Variants in GAREM1 observed in about 807,000 individuals in gnomAD.
GAREM1 encodes the protein GRB2-associated and regulator of MAPK protein 1.
In GAREM1, 26 loss-of-function variants were observed where a neutral mutation model predicts 71.3. That is an observed-to-expected ratio of 0.36 (90% CI 0.27 to 0.51). The LOEUF (loss-of-function observed/expected upper bound fraction) is 0.51. Among genes scored for constraint, GAREM1 ranks in the 20% least tolerant of loss-of-function variants. The probability of loss-of-function intolerance (pLI) is 0.95; values close to 1 mark genes in which losing one functional copy is unlikely to be tolerated. For missense variants in GAREM1, 1,026 were observed against 1,103.1 expected, an observed-to-expected ratio of 0.93 and a Z score of 0.99; for synonymous variants, 440 against 433.2, an observed-to-expected ratio of 1.02 and a Z score of -0.20.
intron 1 of GAREM1, among the ~76,000 whole-genome samples, chr18:32,399,980 G>C (rs2144669407): frequency 1.3e-5 from 2 of 152,248 alleles, no homozygotes; most frequent in South Asian, 4.1e-4. Flanking sequence ...CAGAGATATA[G>C]ACCAATGGAA....
chr18:32,438,156 A>G (rs1258178191), intron 1 of GAREM1, among the ~76,000 whole-genome samples: 1 of 152,128 alleles, frequency 6.6e-6, no homozygotes, highest in African/African-American at 2.4e-5. Context: ...TGCCATTCCT[A>G]CTCCAAGTAA....
intron 2 of GAREM1, among the ~76,000 whole-genome samples, chr18:32,314,096 T>C (rs2047352516): frequency 6.6e-6 from 1 of 152,134 alleles, no homozygotes. Context: ...AAAAGTTTTT[T>C]TTTTTTTTAA....
intron 1 of GAREM1, among the ~76,000 whole-genome samples, chr18:32,437,555 G>A (rs567350110): frequency 3.3e-5 from 5 of 152,106 alleles, no homozygotes; most frequent in African/African-American, 4.8e-5. Flanking sequence ...GGGGTTAAAG[G>A]TAAAGAAGAA....
At chr18:32,333,247 G>A (rs989274454) in intron 2 of GAREM1, among the ~76,000 whole-genome samples, 4 of 151,966 alleles carry the variant, frequency 2.6e-5, no homozygotes, top group African/African-American at 4.8e-5. Context: ...GGGGAGTGGA[G>A]AGGGGGAGGG....
intron 1 of GAREM1, among the ~76,000 whole-genome samples, chr18:32,431,470 A>G (rs545309272): frequency 1.3e-5 from 2 of 152,214 alleles, no homozygotes; most frequent in East Asian, 3.9e-4. Flanking sequence ...TCTACTAAAA[A>G]CACAAAAATT....
At chr18:32,401,188 A>AGC (rs2048312138) in intron 1 of GAREM1, among the ~76,000 whole-genome samples, 1 of 151,920 alleles carries the variant, frequency 6.6e-6, no homozygotes, top group Admixed American at 6.6e-5. Context: ...GGTTGGGGGG[A>AGC]GAGGGGAGGG....
At position 32,287,663 on chromosome 18, in the gene GAREM1, G is replaced by C. The variant is rs945487853; in HGVS notation, c.934C>G (p.Leu312Val). Reference sequence around the variant, plus strand: ...TCGGGCCAGCTCTCTCCCTTCACCAGGTGTTCTGGGAGGCTGAACTTGGGG... The same window carrying C: ...TCGGGCCAGCTCTCTCCCTTCACCACGTGTTCTGGGAGGCTGAACTTGGGG... ...TVPKFSLPEH[L>V]VKGESWPETL... The change falls in exon 4 of 6, where the codon CTG (leucine) becomes GTG (valine). Residue 312 changes from leucine to valine, a missense_variant. By Grantham distance (32) the Leu-to-Val change is conservative (BLOSUM62 1). This residue lies in a region of GAREM1 where 218 missense variants were observed against 296.8 expected (regional missense o/e 0.73). Transcript: ENST00000269209. The surrounding 1 kb of genome is among the most constrained non-coding windows in gnomAD (Gnocchi z 5.9). The C allele has an allele frequency of 3.1e-6, 5 of 1,614,170 alleles. No homozygotes were observed. Among genetic ancestry groups the C allele is most frequent in the Non-Finnish European group, 4.2e-6 (5 of 1,180,028 alleles).
intron 3 of GAREM1, among the ~76,000 whole-genome samples, chr18:32,295,727 C>G (rs957521520): frequency 1.3e-4 from 20 of 152,190 alleles, no homozygotes; most frequent in Non-Finnish European, 2.4e-4. Context: ...AAGTGAATTT[C>G]TCCGTAGGAG....
At chr18:32,277,167 G>A (rs183043895) in intron 4 of GAREM1, among the ~76,000 whole-genome samples, 9 of 152,160 alleles carry the variant, frequency 5.9e-5, no homozygotes, top group African/African-American at 2.2e-4. Flanking sequence ...AGTGGTGTTC[G>A]TGAGGGCAGA....
At chr18:32,396,541 G>A (rs1277762207) in intron 1 of GAREM1, among the ~76,000 whole-genome samples, 4 of 152,184 alleles carry the variant, frequency 2.6e-5, no homozygotes, top group African/African-American at 9.7e-5. Context: ...CGATCAACTG[G>A]AAGAAAGGGT....
At chr18:32,340,669 T>C (rs1005841583) in intron 2 of GAREM1, among the ~76,000 whole-genome samples, 2 of 152,066 alleles carry the variant, frequency 1.3e-5, no homozygotes, top group Admixed American at 6.5e-5. Flanking sequence ...AACTCAACAA[T>C]AGGAAAAGAA....
At chr18:32,315,427 A>C (rs2047366238) in intron 2 of GAREM1, among the ~76,000 whole-genome samples, 1 of 147,654 alleles carries the variant, frequency 6.8e-6, no homozygotes, top group South Asian at 2.1e-4. Context: ...ATATATATAA[A>C]GTATATATAA....
chr18:32,417,764 GAC>G (rs1306170270), intron 1 of GAREM1, among the ~76,000 whole-genome samples: 2 of 151,948 alleles, frequency 1.3e-5, no homozygotes, highest in African/African-American at 4.8e-5. Context: ...ATGGTTAATG[GAC>G]ACACACAAAA....
At chr18:32,454,955 G>A (rs2048873516) in intron 1 of GAREM1, among the ~76,000 whole-genome samples, 1 of 152,140 alleles carries the variant, frequency 6.6e-6, no homozygotes, top group Non-Finnish European at 1.5e-5. Context: ...AGACAAGACA[G>A]GATCCCTGCT....
At chr18:32,351,293 G>A (rs981309242) in intron 2 of GAREM1, among the ~76,000 whole-genome samples, 1 of 151,986 alleles carries the variant, frequency 6.6e-6, no homozygotes, top group African/African-American at 2.4e-5. Flanking sequence ...GCTCTCCAAT[G>A]GTTTTAAAAG....
At chr18:32,422,908 A>G (rs188026659) in intron 1 of GAREM1, among the ~76,000 whole-genome samples, 42 of 152,324 alleles carry the variant, frequency 2.8e-4, no homozygotes, top group African/African-American at 1.0e-3. Context: ...AAGGTTCCTG[A>G]TCAGTCAGTG....
chr18:32,410,760 T>A (rs779949095), intron 1 of GAREM1, among the ~76,000 whole-genome samples: 1 of 152,206 alleles, frequency 6.6e-6, no homozygotes. Context: ...CTCAATATAG[T>A]ACTGTATAGA....
At chr18:32,459,630 T>C (rs2048932411) in intron 1 of GAREM1, among the ~76,000 whole-genome samples, 1 of 152,198 alleles carries the variant, frequency 6.6e-6, no homozygotes, top group South Asian at 2.1e-4. Context: ...TTGGGTCTAG[T>C]GCTTGATTGA....
intron 1 of GAREM1, among the ~76,000 whole-genome samples, chr18:32,431,947 C>A: frequency 6.6e-6 from 1 of 152,164 alleles, no homozygotes; most frequent in East Asian, 1.9e-4. Context: ...ACCCAGAATT[C>A]TATACCCAGT....
Sources: gnomAD v4.1 joint callset for allele counts (sites outside exome capture counted in the v4.1 genomes callset) on GRCh38, gnomAD v4.1.1 for gene constraint, gnomAD v4.1.1 regional missense constraint, Gnocchi (gnomAD v3.1) non-coding constraint, MANE v1.5 for transcripts, NCBI Gene and HGNC (gene_info 2026-07-23, HGNC 2026-07-21) for gene names.